LGR6: variants seen among roughly 807,000 people sequenced by gnomAD.
The protein encoded by LGR6 is leucine-rich repeat-containing G protein-coupled receptor 6.
A neutral mutation model predicts 69.4 loss-of-function variants in LGR6; 45 were observed. That is an observed-to-expected ratio of 0.65 (90% CI 0.51 to 0.83). The LOEUF is 0.83. Among genes scored for constraint, LGR6 ranks in the 40% least tolerant of loss-of-function variants. The pLI is 0.00. For synonymous variants in LGR6, 538 were observed against 555.0 expected, an observed-to-expected ratio of 0.97 and a Z score of 0.43; for missense variants, 1,108 against 1,246.7, an observed-to-expected ratio of 0.89 and a Z score of 1.68.
chr1:202,280,999 C>G lies in LGR6; in HGVS notation c.716+147C>G, dbSNP rs1348410466. On this transcript the variant is annotated intron_variant, in intron 6 of 17. Transcript: ENST00000367278. ...GGCTTGTTTACCCACATGCCCCTCC[C>G]TGGCACTTTCTCTGGAATATCACTG... The G allele has an allele frequency of 4.8e-6, 3 of 629,694 alleles. No homozygotes were observed. The African/African-American group carries it at 5.6e-5, about 12-fold the overall frequency. 39.0% of individuals were successfully genotyped at this position (629,694 alleles called of 1,614,324 possible).
At chr1:202,213,842 C>T (rs1165105835) in intron 1 of LGR6, among the ~76,000 whole-genome samples, 2 of 152,124 alleles carry the variant, frequency 1.3e-5, no homozygotes, top group African/African-American at 4.8e-5. Context: ...GCAGTCTGAC[C>T]CCAGAGCCAC....
At chr1:202,217,944 C>T (rs1204520202) in intron 1 of LGR6, among the ~76,000 whole-genome samples, 2 of 152,202 alleles carry the variant, frequency 1.3e-5, no homozygotes, top group African/African-American at 4.8e-5. Context: ...AGTACACTCC[C>T]TTGTTTGGAT....
chr1:202,212,012 C>A (rs1659480447), intron 1 of LGR6, among the ~76,000 whole-genome samples: 2 of 152,218 alleles, frequency 1.3e-5, no homozygotes, highest in African/African-American at 4.8e-5. Context: ...CGTTCATCCT[C>A]ATTGTGGCAT....
At chr1:202,305,806 T>C in intron 12 of LGR6, 57 bp downstream of exon 12, 1 of 1,402,688 alleles carries the variant, frequency 7.1e-7, no homozygotes, top group African/African-American at 1.4e-5. Context: ...GAGCAAGTCC[T>C]GTAGGGAGGT....
At chr1:202,226,380 T>C (rs1660552457) in intron 2 of LGR6, among the ~76,000 whole-genome samples, 2 of 152,202 alleles carry the variant, frequency 1.3e-5, no homozygotes, top group South Asian at 2.1e-4. Flanking sequence ...TCTAGCTCTT[T>C]TAGAATTTAA....
intron 4 of LGR6, among the ~76,000 whole-genome samples, chr1:202,264,757 A>G (rs1664509701): frequency 6.6e-6 from 1 of 152,172 alleles, no homozygotes; most frequent in Non-Finnish European, 1.5e-5. Context: ...AATTATTTTT[A>G]TATATTGCTG....
intron 1 of LGR6, among the ~76,000 whole-genome samples, chr1:202,214,739 A>T (rs1234595663): frequency 6.6e-6 from 1 of 152,224 alleles, no homozygotes; most frequent in Non-Finnish European, 1.5e-5. Flanking sequence ...ATAAACTGCA[A>T]AGACGTGGAG....
intron 4 of LGR6, among the ~76,000 whole-genome samples, chr1:202,269,013 T>G (rs1664888605): frequency 6.6e-6 from 1 of 152,160 alleles, no homozygotes; most frequent in Non-Finnish European, 1.5e-5. Flanking sequence ...CAAAAGATCC[T>G]CCTGCCGCAG....
chr1:202,198,362 C>T (rs1337185082), intron 1 of LGR6, among the ~76,000 whole-genome samples: 1 of 152,216 alleles, frequency 6.6e-6, no homozygotes, highest in Non-Finnish European at 1.5e-5. Context: ...TTAAGATCTA[C>T]CTCATAGGGT....
chr1:202,305,499 G>A (rs894001335), intron 11 of LGR6, among the ~76,000 whole-genome samples, 185 bp from the exon 12 acceptor site: 1 of 152,136 alleles, frequency 6.6e-6, no homozygotes, highest in African/African-American at 2.4e-5. Flanking sequence ...AGGAAATGCA[G>A]AGAAAGTGAA....
chr1:202,266,899 C>T (rs542470922), intron 4 of LGR6, among the ~76,000 whole-genome samples: 4 of 50,380 alleles, frequency 7.9e-5, no homozygotes, highest in Non-Finnish European at 2.4e-4. Context: ...CTCTCTCTAA[C>T]GCGCGCACAC....
At chr1:202,314,589 G>A (rs1018144941) in intron 16 of LGR6, among the ~76,000 whole-genome samples, 3 of 152,198 alleles carry the variant, frequency 2.0e-5, no homozygotes, top group African/African-American at 7.2e-5. Context: ...TGTTTGCTGT[G>A]CACTCTTCAG....
rs539130287 is a variant in LGR6 at position 202,286,854 on chromosome 1, C to T, written c.716+6002C>T. ...CCGTGACGAGTTATTAATAGTTCTT[C>T]CCAGCACAACATTCCTTTTCCCATT... On this transcript the variant is annotated intron_variant, in intron 6 of 17. Coordinates refer to ENST00000367278, the MANE Select transcript of LGR6 (RefSeq NM_001017403.2). Among the ~76,000 whole-genome samples, 6 of 152,246 alleles carry T rather than the reference C, an allele frequency of 3.9e-5. No individual in the cohort carries two copies. The East Asian group carries it at 1.2e-3, about 29-fold the overall frequency.
At chr1:202,233,389 C>G (rs191627199) in intron 3 of LGR6, among the ~76,000 whole-genome samples, 4 of 152,240 alleles carry the variant, frequency 2.6e-5, no homozygotes, top group South Asian at 2.1e-4. Flanking sequence ...GCATGAGCAG[C>G]CTGCGACCCC....
At chr1:202,312,001 G>A (rs1014845233) in intron 16 of LGR6, among the ~76,000 whole-genome samples, 2 of 152,220 alleles carry the variant, frequency 1.3e-5, no homozygotes, top group African/African-American at 4.8e-5. Context: ...GGACATTCCC[G>A]GATGTCTGCT....
intron 13 of LGR6, 34 bp from the exon 14 acceptor site, chr1:202,307,296 C>A: frequency 6.2e-7 from 1 of 1,602,628 alleles, no homozygotes; most frequent in Non-Finnish European, 8.5e-7. Context: ...CCACATGTTA[C>A]TGTCCCCTCC....
chr1:202,284,477 CCATA>C (rs1666251581), intron 6 of LGR6, among the ~76,000 whole-genome samples: 2 of 152,184 alleles, frequency 1.3e-5, no homozygotes, highest in African/African-American at 4.8e-5. Context: ...CCACTAGAAA[CCATA>C]CCTCTTGCTT....
intron 8 of LGR6, 46 bp downstream of exon 8, chr1:202,300,966 GGGA>G (rs759477997): frequency 2.6e-6 from 4 of 1,535,896 alleles, no homozygotes; most frequent in South Asian, 1.2e-5. Context: ...CAGTGTTTCA[GGGA>G]GGAGGACAGA....
At chr1:202,194,225 G>T (rs545416308) in intron 1 of LGR6, 24 bp downstream of exon 1, 3 of 1,509,318 alleles carry the variant, frequency 2.0e-6, no homozygotes, top group Non-Finnish European at 2.7e-6. Context: ...GCCTGTCCCC[G>T]CCTGGTCCTG....
Sources: allele counts gnomAD v4.1 joint callset (sites outside exome capture counted in the v4.1 genomes callset), GRCh38; gene constraint gnomAD v4.1.1; transcripts MANE v1.5; gene names NCBI Gene and HGNC (gene_info 2026-07-23, HGNC 2026-07-21).